The following SV2C variants were observed in gnomAD, a reference collection of about 807,000 sequenced individuals.
The protein encoded by SV2C is solute carrier family 22 member B3.
Under a neutral mutation model 79.7 loss-of-function variants are expected in SV2C, and 49 were observed. The observed-to-expected ratio is 0.61, with a 90% CI of 0.49 to 0.78. The LOEUF (loss-of-function observed/expected upper bound fraction) is 0.78, where lower values mean the gene tolerates loss of function less well. Among genes scored for constraint, SV2C ranks in the 30% least tolerant of loss-of-function variants. SV2C has a pLI of 0.00. For synonymous variants in SV2C, 334 were observed against 333.2 expected (o/e 1.00, Z -0.03); for missense variants, 833 against 912.9 (o/e 0.91, Z 1.13).
Position 76,103,324 on chromosome 5 carries a change from C to T in SV2C, c.-102+19812C>T, listed in dbSNP as rs116582301. ...CTAATTTAAAGACTGTAGTAAATAG[C>T]GTTGTTTTTCCTGAGCACATAGAAA... On this transcript the variant is annotated intron_variant, in intron 1 of 12. Transcript: ENST00000502798. Among the ~76,000 whole-genome samples, 694 of 152,130 alleles carry T rather than the reference C, an allele frequency of 4.6e-3. 5 individuals are homozygous for T. The highest frequency in any genetic ancestry group is 0.016 in the African/African-American group (660 of 41,512).
chr5:76,300,619 C>T, intron 10 of SV2C, 110 bp from the exon 11 acceptor site: 1 of 1,168,624 alleles, frequency 8.6e-7, no homozygotes, highest in Non-Finnish European at 1.2e-6. Context: ...CCTGAAAGCC[C>T]TCAAGGAATT....
chr5:76,211,043 G>C (rs1429169121), intron 4 of SV2C, among the ~76,000 whole-genome samples: 1 of 152,118 alleles, frequency 6.6e-6, no homozygotes, highest in Non-Finnish European at 1.5e-5. Flanking sequence ...CAGCATATAA[G>C]ACAACATGAC....
the SV2C span, among the ~76,000 whole-genome samples, chr5:76,066,757 T>C: frequency 6.6e-6 from 1 of 150,798 alleles, no homozygotes; most frequent in Admixed American, 6.6e-5. Context: ...ACAGATCTTG[T>C]TGAAGACATG....
At chr5:75,853,504 A>G in the SV2C span, among the ~76,000 whole-genome samples, 1 of 147,020 alleles carries the variant, frequency 6.8e-6, no homozygotes, top group African/African-American at 2.5e-5. Context: ...TGCAGTGAGC[A>G]CAGATCGCGC....
rs183387871 is a variant in SV2C, at chr5:76,191,359, A to G, written c.581-3560A>G. 3.8e-3 allele frequency among the ~76,000 whole-genome samples: 576 copies of G among 152,132 alleles called. 5 individuals are homozygous for G. Among genetic ancestry groups the G allele is most frequent in the African/African-American group, 0.013 (553 of 41,486 alleles). ...ATCAGTGAATTCGGAATACTAATACAGAATGTTTTTCATTGAAAATCAGTT... is the reference window on the plus strand; with the variant it reads ...ATCAGTGAATTCGGAATACTAATACGGAATGTTTTTCATTGAAAATCAGTT... On this transcript the variant is annotated intron_variant, in intron 2 of 12. Transcript: ENST00000502798.
At chr5:75,977,606 T>A in the SV2C span, among the ~76,000 whole-genome samples, 1 of 152,166 alleles carries the variant, frequency 6.6e-6, no homozygotes, top group Non-Finnish European at 1.5e-5. Flanking sequence ...TCTGTTCCTT[T>A]CAAAGAAGAG....
chr5:75,971,235 A>G, the SV2C span, among the ~76,000 whole-genome samples: 3 of 152,088 alleles, frequency 2.0e-5, no homozygotes, highest in Admixed American at 2.0e-4. Context: ...ATGGACAAAA[A>G]CTGGAAGCAT....
chr5:76,138,389 T>C (rs1749137773), intron 2 of SV2C, among the ~76,000 whole-genome samples: 1 of 152,238 alleles, frequency 6.6e-6, no homozygotes, highest in Admixed American at 6.5e-5. Context: ...CACTCTGGTA[T>C]GTCAAGCAAG....
chr5:76,119,591 G>A (rs1248157992), intron 1 of SV2C, among the ~76,000 whole-genome samples: 1 of 152,060 alleles, frequency 6.6e-6, no homozygotes, highest in African/African-American at 2.4e-5. Context: ...CCCTGAGCCT[G>A]CCAGTATTTC....
At chr5:75,957,091 T>A in the SV2C span, among the ~76,000 whole-genome samples, 82 of 152,062 alleles carry the variant, frequency 5.4e-4, no homozygotes, top group Admixed American at 4.0e-3. Flanking sequence ...AAGAAAGATA[T>A]ACTTAGCAGC....
chr5:75,900,320 T>A, the SV2C span, among the ~76,000 whole-genome samples: 3 of 152,248 alleles, frequency 2.0e-5, no homozygotes, highest in African/African-American at 7.2e-5. Flanking sequence ...CCTTCACTTA[T>A]GAAGCTTAGT....
the SV2C span, among the ~76,000 whole-genome samples, chr5:75,942,741 G>C: frequency 2.0e-4 from 30 of 152,098 alleles, no homozygotes; most frequent in Non-Finnish European, 2.9e-4. Flanking sequence ...CTTGGGAAAA[G>C]TGCTTCCGTC....
chr5:76,280,572 G>C (rs1747153298), intron 4 of SV2C, among the ~76,000 whole-genome samples: 1 of 152,202 alleles, frequency 6.6e-6, no homozygotes, highest in Admixed American at 6.5e-5. Flanking sequence ...CCCGAGACCA[G>C]CTGTCAAGAT....
At chr5:76,043,234 C>G in the SV2C span, among the ~76,000 whole-genome samples, 1 of 152,178 alleles carries the variant, frequency 6.6e-6, no homozygotes, top group African/African-American at 2.4e-5. Context: ...CAGTGATCCC[C>G]ATCTCCTGGT....
At chr5:76,280,798 T>C (rs1747162253) in intron 4 of SV2C, among the ~76,000 whole-genome samples, 1 of 152,242 alleles carries the variant, frequency 6.6e-6, no homozygotes, top group Non-Finnish European at 1.5e-5. Flanking sequence ...CAAGCCTAGG[T>C]CTAAGCACAA....
chr5:75,997,033 T>C, the SV2C span, among the ~76,000 whole-genome samples: 4 of 148,656 alleles, frequency 2.7e-5, no homozygotes, highest in Non-Finnish European at 6.0e-5. Context: ...TGAATAGGAG[T>C]GGTGAGAGAG....
At chr5:75,998,174 C>A in the SV2C span, among the ~76,000 whole-genome samples, 1 of 151,968 alleles carries the variant, frequency 6.6e-6, no homozygotes, top group South Asian at 2.1e-4. Context: ...GGGAACATCA[C>A]ACACCGGGGC....
At chr5:75,991,278 T>A in the SV2C span, among the ~76,000 whole-genome samples, 167 of 152,008 alleles carry the variant, frequency 1.1e-3, 6 homozygotes, top group South Asian at 0.034. Flanking sequence ...ATTATCATCA[T>A]GTTTTTGCCA....
intron 2 of SV2C, among the ~76,000 whole-genome samples, chr5:76,139,289 T>C (rs1458624312): frequency 6.6e-6 from 1 of 152,156 alleles, no homozygotes; most frequent in Non-Finnish European, 1.5e-5. Context: ...GTATCTCTAT[T>C]GTAGGGAAAG....
Sources: gnomAD v4.1 joint callset for allele counts (sites outside exome capture counted in the v4.1 genomes callset) on GRCh38, gnomAD v4.1.1 for gene constraint, MANE v1.5 for transcripts, NCBI Gene and HGNC (gene_info 2026-07-23, HGNC 2026-07-21) for gene names.